Variants in USH2A observed in about 807,000 individuals in gnomAD.
USH2A encodes usherin, also known as Usher syndrome 2A (autosomal recessive, mild).
In USH2A, 443 loss-of-function variants were observed where a neutral mutation model predicts 538.9. The ratio of observed to expected loss-of-function variants is 0.82; its 90% CI spans 0.76 to 0.89. The LOEUF (loss-of-function observed/expected upper bound fraction) is 0.89. Ranked by LOEUF, USH2A falls within the 40% of genes least tolerant of loss-of-function variation. The probability of loss-of-function intolerance (pLI) is 0.00; values close to 1 mark genes in which losing one functional copy is unlikely to be tolerated. For missense variants in USH2A, 6,633 were observed against 6,324.8 expected (o/e 1.05, Z -1.65); for synonymous variants, 2,413 against 2,273.5 (o/e 1.06, Z -1.75).
At chr1:215,890,333 AAAG>A (rs1191326936) in intron 40 of USH2A, among the ~76,000 whole-genome samples, 4 of 152,222 alleles carry the variant, frequency 2.6e-5, no homozygotes, top group African/African-American at 9.7e-5. Context: ...TCAGTGTTAC[AAAG>A]AAGGTTGAAA....
chr1:216,204,494 A>G (rs1244206179), intron 16 of USH2A: 2 of 152,196 alleles, frequency 1.3e-5, no homozygotes, highest in African/African-American at 4.8e-5. Flanking sequence ...AAGAAGGAAA[A>G]TATGTCTTAG....
chr1:216,207,490 CTGAAG>C, intron 15 of USH2A, 59 bp from the exon 16 acceptor site: 1 of 1,603,594 alleles, frequency 6.2e-7, no homozygotes. Flanking sequence ...GAAAAGCAAA[CTGAAG>C]TAAGATATCC....
intron 27 of USH2A, among the ~76,000 whole-genome samples, chr1:216,074,824 AG>A: frequency 6.6e-6 from 1 of 152,310 alleles, no homozygotes; most frequent in East Asian, 1.9e-4. Flanking sequence ...GAACAGTGAA[AG>A]GGCAGCTTGG....
chr1:216,265,175 T>C (rs78927302), intron 11 of USH2A, among the ~76,000 whole-genome samples: 1 of 139,600 alleles, frequency 7.2e-6, no homozygotes, highest in East Asian at 2.1e-4. Flanking sequence ...AATAATCCAA[T>C]TAAAACAGGT....
intron 21 of USH2A, among the ~76,000 whole-genome samples, chr1:216,172,360 T>C (rs1335774736): frequency 6.6e-6 from 1 of 152,108 alleles, no homozygotes; most frequent in African/African-American, 2.4e-5. Context: ...ACATCAACCT[T>C]ATATTTGTAT....
intron 30 of USH2A, 38 bp downstream of exon 30, chr1:216,070,063 A>T: frequency 6.2e-7 from 1 of 1,606,914 alleles, no homozygotes; most frequent in Non-Finnish European, 8.5e-7. Flanking sequence ...ACAAAAAGGA[A>T]GTTAATAGGG....
At chr1:216,218,245 T>A (rs933669429) in intron 14 of USH2A, among the ~76,000 whole-genome samples, 5 of 152,152 alleles carry the variant, frequency 3.3e-5, no homozygotes, top group Non-Finnish European at 7.4e-5. Context: ...CAACTTAAAT[T>A]TCTTGGACCC....
chr1:216,420,092 G>A (rs1224359809), intron 2 of USH2A, among the ~76,000 whole-genome samples: 1 of 151,730 alleles, frequency 6.6e-6, no homozygotes, highest in Non-Finnish European at 1.5e-5. Context: ...CCCTTCAGTA[G>A]TTGAATATTT....
chr1:216,097,029 A>G, intron 22 of USH2A, 54 bp downstream of exon 22: 1 of 1,516,892 alleles, frequency 6.6e-7, no homozygotes, highest in Non-Finnish European at 9.0e-7. Context: ...TTACCTCAGT[A>G]CCAGGCACCT....
intron 38 of USH2A, among the ~76,000 whole-genome samples, chr1:215,921,284 T>C (rs1313121864): frequency 6.6e-6 from 1 of 152,046 alleles, no homozygotes; most frequent in Non-Finnish European, 1.5e-5. Flanking sequence ...TGGCAAAGGA[T>C]GAGTCCAACT....
At position 216,421,849 on chromosome 1, in the gene USH2A, TACA is replaced by T. The variant is rs1279013275; in HGVS notation, c.485_485+2del. On this transcript the variant is annotated splice_donor_variant and coding_sequence_variant, in exon 2 of 72. Transcript: ENST00000307340. LOFTEE classifies it high-confidence loss of function. ...GAAAGCTTATACCTACACTACTACT[TACA>T]TTACACCTTGTTGCTCAGGTTTCAG... The T allele has an allele frequency of 6.2e-7, 1 of 1,613,736 alleles. No individual in the cohort carries two copies.
intron 58 of USH2A, among the ~76,000 whole-genome samples, chr1:215,755,658 A>G (rs1480971486): frequency 6.6e-6 from 1 of 152,204 alleles, no homozygotes; most frequent in Non-Finnish European, 1.5e-5. Context: ...ATCTTAAACT[A>G]TAAGATTGAC....
intron 44 of USH2A, among the ~76,000 whole-genome samples, 171 bp from the exon 45 acceptor site, chr1:215,846,204 T>C (rs1663842579): frequency 1.3e-5 from 2 of 152,072 alleles, no homozygotes; most frequent in African/African-American, 4.8e-5. Context: ...CTGGTGGTGA[T>C]AGTTTTTATT....
intron 48 of USH2A, among the ~76,000 whole-genome samples, chr1:215,814,652 T>G (rs977629492): frequency 6.6e-6 from 1 of 152,084 alleles, no homozygotes; most frequent in African/African-American, 2.4e-5. Flanking sequence ...AGAAGGTCCT[T>G]GCTTCCCCTT....
chr1:215,795,251 G>A (rs1662092822), intron 50 of USH2A, among the ~76,000 whole-genome samples: 1 of 152,122 alleles, frequency 6.6e-6, no homozygotes, highest in Non-Finnish European at 1.5e-5. Flanking sequence ...TCACAGTTTA[G>A]CTCAAGCCAC....
chr1:215,879,145 G>C (rs1054608015), intron 41 of USH2A, 47 bp from the exon 42 acceptor site: 4 of 1,548,114 alleles, frequency 2.6e-6, no homozygotes, highest in Non-Finnish European at 3.6e-6. Flanking sequence ...TACAGGAATA[G>C]AGCAATTGAA....
intron 62 of USH2A, 103 bp downstream of exon 62, chr1:215,680,046 G>T: frequency 8.8e-7 from 1 of 1,141,472 alleles, no homozygotes; most frequent in Non-Finnish European, 1.3e-6. Flanking sequence ...GAATTAAACA[G>T]GCTGTGAAGG....
At chr1:215,944,265 G>A (rs901677844) in intron 37 of USH2A, among the ~76,000 whole-genome samples, 5 of 152,106 alleles carry the variant, frequency 3.3e-5, no homozygotes, top group Non-Finnish European at 7.4e-5. Context: ...TTATGGCAGA[G>A]ACTATATTGC....
Position 216,324,286 on chromosome 1 carries a change from C to G in USH2A, c.1210G>C (p.Glu404Gln). 6.2e-7 allele frequency: 1 copy of G among 1,613,124 alleles called. No individual in the cohort carries two copies. The highest frequency in any genetic ancestry group is 8.5e-7 in the Non-Finnish European group (1 of 1,179,576). Residue 404 changes from glutamate (E) to glutamine (Q), a missense_variant, in exon 7 of 72, where the codon GAA becomes CAA. Glu to Gln is a conservative substitution (Grantham distance 29). Transcript: ENST00000307340. ...CAGTCCTCCCAATCTAAACTATTTT[C>G]CTTCTTCCTTTGAATCCTTATTTCC... is the stretch of plus-strand genomic sequence containing the variant. ...PTEIRIQRKK[E>Q]NSLDWEDWQY...
Sources: allele counts gnomAD v4.1 joint callset (sites outside exome capture counted in the v4.1 genomes callset), GRCh38; gene constraint gnomAD v4.1.1; transcripts MANE v1.5; gene names NCBI Gene and HGNC (gene_info 2026-07-23, HGNC 2026-07-21).